Variants in DNAH2 observed in about 807,000 individuals in gnomAD.
The protein encoded by DNAH2 is dynein axonemal heavy chain 2, also known as axonemal beta dynein heavy chain 2.
A neutral mutation model predicts 523.5 loss-of-function variants in DNAH2; 323 were observed. That is an observed-to-expected ratio of 0.62 (90% CI 0.56 to 0.68). The LOEUF is 0.68. Among genes scored for constraint, DNAH2 ranks in the 30% least tolerant of loss-of-function variants. The pLI, the probability that DNAH2 is intolerant of heterozygous loss-of-function variation, is 0.00. For missense variants in DNAH2, 4,907 were observed against 5,701.5 expected, an observed-to-expected ratio of 0.86 and a Z score of 4.49; for synonymous variants, 2,093 against 2,177.4, an observed-to-expected ratio of 0.96 and a Z score of 1.08.
chr17:7,801,032 C>T (rs548153841), intron 56 of DNAH2, among the ~76,000 whole-genome samples: 1 of 151,662 alleles, frequency 6.6e-6, no homozygotes, highest in East Asian at 2.0e-4. Flanking sequence ...GCCACCACGG[C>T]CAGCTAATTT....
At chr17:7,778,760 G>T (rs1330515434) in intron 35 of DNAH2, among the ~76,000 whole-genome samples, 1 of 151,960 alleles carries the variant, frequency 6.6e-6, no homozygotes, top group Non-Finnish European at 1.5e-5. Context: ...GTGGAGACGG[G>T]GTTTCACCAT....
chr17:7,824,441 GCC>G, intron 76 of DNAH2, 94 bp from the exon 77 acceptor site: 1 of 1,396,564 alleles, frequency 7.2e-7, no homozygotes. Flanking sequence ...TTAGTGTTAG[GCC>G]CCCCCAGCAC....
At chr17:7,803,965 T>G (rs1337236753) in intron 58 of DNAH2, among the ~76,000 whole-genome samples, 2 of 152,188 alleles carry the variant, frequency 1.3e-5, no homozygotes, top group African/African-American at 4.8e-5. Context: ...CAGAGGAAGA[T>G]TCTCATGTAG....
rs1273460969 is a variant in DNAH2 at position 7,723,651 on chromosome 17, G to A, written c.190G>A (p.Ala64Thr). Residue 64 changes from alanine (A) to threonine (T), a missense_variant, in exon 3 of 86, where the codon GCA becomes ACA. Coordinates refer to ENST00000572933, the MANE Select transcript of DNAH2 (RefSeq NM_020877.5). ...EPEPRLEGPQ[A>T]QSEESVEPEA... ...AGAGCCACGGTTGGAGGGACCTCAAGCACAGAGTGAAGAATCAGTGGAGCC... is the reference window on the plus strand; with the variant it reads ...AGAGCCACGGTTGGAGGGACCTCAAACACAGAGTGAAGAATCAGTGGAGCC... 3.7e-6 allele frequency: 6 copies of A among 1,614,020 alleles called. No individual in the cohort carries two copies. In the East Asian group the frequency reaches 1.3e-4, roughly 36 times the overall value.
intron 7 of DNAH2, among the ~76,000 whole-genome samples, chr17:7,735,319 CGG>C (rs2075109903): frequency 6.6e-6 from 1 of 152,108 alleles, no homozygotes; most frequent in Non-Finnish European, 1.5e-5. Context: ...TTAGTAGAGA[CGG>C]GGTTTCACCG....
chr17:7,765,657 G>A (rs767644836), intron 21 of DNAH2, 92 bp downstream of exon 21: 5 of 1,445,832 alleles, frequency 3.5e-6, no homozygotes, highest in Non-Finnish European at 4.7e-6. Context: ...GAACTGGGAG[G>A]GGAGGAGGAG....
intron 30 of DNAH2, 99 bp downstream of exon 30, chr17:7,775,441 T>C (rs1408522533): frequency 8.6e-7 from 1 of 1,162,030 alleles, no homozygotes; most frequent in Non-Finnish European, 1.2e-6. Context: ...ATCCCAGCAC[T>C]TTGGGAGGCT....
intron 18 of DNAH2, among the ~76,000 whole-genome samples, chr17:7,762,331 CTTTTTTTTTTTT>C: frequency 8.9e-6 from 1 of 111,804 alleles, no homozygotes; most frequent in South Asian, 2.9e-4. Context: ...CGTAGGATTT[CTTTTTTTTTTTT>C]TTTTTTTTTT....
intron 63 of DNAH2, among the ~76,000 whole-genome samples, chr17:7,808,082 T>A (rs148699536): frequency 1.3e-5 from 2 of 152,096 alleles, no homozygotes; most frequent in African/African-American, 2.4e-5. Flanking sequence ...GCAAGATGCA[T>A]GCATGAGGCT....
chr17:7,771,241 C>T (rs889231977), intron 27 of DNAH2, 89 bp from the exon 28 acceptor site: 8 of 1,566,076 alleles, frequency 5.1e-6, no homozygotes, highest in African/African-American at 1.4e-5. Context: ...TATCTTCTAC[C>T]CAACTGTCAC....
chr17:7,770,436 C>T (rs2076283210), intron 25 of DNAH2, 28 bp downstream of exon 25: 1 of 1,611,506 alleles, frequency 6.2e-7, no homozygotes. Context: ...CATGCTCCCA[C>T]ACCTCCTGCG....
intron 44 of DNAH2, among the ~76,000 whole-genome samples, 172 bp from the exon 45 acceptor site, chr17:7,791,745 T>C (rs1161548620): frequency 6.6e-6 from 1 of 152,172 alleles, no homozygotes. Context: ...GGTTTGTCTG[T>C]CTTTCAGCAG....
intron 69 of DNAH2, 37 bp from the exon 70 acceptor site, chr17:7,818,606 A>C: frequency 6.2e-7 from 1 of 1,611,420 alleles, no homozygotes; most frequent in Non-Finnish European, 8.5e-7. Flanking sequence ...AGGTCGAAGG[A>C]GTGACAGCCC....
At chr17:7,791,143 G>A (rs959001391) in intron 44 of DNAH2, among the ~76,000 whole-genome samples, 7 of 151,468 alleles carry the variant, frequency 4.6e-5, no homozygotes, top group African/African-American at 1.2e-4. Context: ...GTGCCATCTC[G>A]GCTCACTGCA....
chr17:7,818,397 C>G lies in DNAH2; in HGVS notation c.10473C>G (p.Asn3491Lys), dbSNP rs144721138. 8.1e-6 allele frequency: 13 copies of G among 1,614,102 alleles called. No individual in the cohort carries two copies. The highest frequency in any genetic ancestry group is 1.1e-5 in the Non-Finnish European group (13 of 1,180,050). ...TCTACATCACCACCAAGCTCTCCAA[C>G]CCCCACTACAGCCCAGAGACCTCAG... is the stretch of plus-strand genomic sequence containing the variant. The part of the protein sequence containing the change: ...FRFYITTKLS[N>K]PHYSPETSAK... Residue 3491 changes from asparagine to lysine, a missense_variant, in exon 69 of 86, where the codon AAC becomes AAG. Physicochemically the swap from Asn to Lys is moderately conservative, Grantham distance 94. Transcript: ENST00000572933.
At chr17:7,755,219 T>TAGTG (rs2075804110) in intron 12 of DNAH2, among the ~76,000 whole-genome samples, 1 of 151,720 alleles carries the variant, frequency 6.6e-6, no homozygotes, top group Non-Finnish European at 1.5e-5. Flanking sequence ...GATTTGCAGG[T>TAGTG]AGTGACTTGT....
In DNAH2 at chr17:7,833,638, T is replaced by G. The variant is rs1174007050; in HGVS notation, c.*105T>G. ...CCGGACCTCACTCAGACTTTGACCT[T>G]GGCCGAATTTGTGTGATGTGGCCCT... On this transcript the variant is annotated 3_prime_UTR_variant, in exon 86 of 86. Coordinates refer to ENST00000572933, the MANE Select transcript of DNAH2 (RefSeq NM_020877.5). 16 of 1,508,386 alleles carry G rather than the reference T, an allele frequency of 1.1e-5. No individual in the cohort carries two copies. The highest frequency in any genetic ancestry group is 1.4e-5 in the Non-Finnish European group (15 of 1,108,390). 93.4% of individuals were successfully genotyped at this position (1,508,386 alleles called of 1,614,324 possible).
intron 12 of DNAH2, among the ~76,000 whole-genome samples, chr17:7,746,494 T>C (rs544386669): frequency 6.6e-6 from 1 of 152,314 alleles, no homozygotes; most frequent in Admixed American, 6.5e-5. Flanking sequence ...ATTTGCAAAA[T>C]GCAGAAAAGT....
At chr17:7,781,815 C>A (rs1394278171) in intron 39 of DNAH2, among the ~76,000 whole-genome samples, 1 of 152,204 alleles carries the variant, frequency 6.6e-6, no homozygotes, top group Non-Finnish European at 1.5e-5. Context: ...CTACTTCTCA[C>A]CTCATCAGGG....
Sources: allele counts gnomAD v4.1 joint callset (sites outside exome capture counted in the v4.1 genomes callset), GRCh38; gene constraint gnomAD v4.1.1; transcripts MANE v1.5; gene names NCBI Gene and HGNC (gene_info 2026-07-23, HGNC 2026-07-21).